Variants in PABPC4 observed in about 807,000 individuals in gnomAD.
PABPC4 encodes polyadenylate-binding protein 4.
Under a neutral mutation model 74.5 loss-of-function variants are expected in PABPC4, and 15 were observed. That is an observed-to-expected ratio of 0.20 (90% CI 0.13 to 0.31). The LOEUF (loss-of-function observed/expected upper bound fraction) is 0.31. Ranked by LOEUF, PABPC4 falls within the 10% of genes least tolerant of loss-of-function variation. PABPC4 has a pLI of 1.00. For synonymous variants in PABPC4, 345 were observed against 303.0 expected (o/e 1.14, Z -1.44); for missense variants, 610 against 853.5 (o/e 0.71, Z 3.55).
chr1:39,564,026 A>C, intron 10 of PABPC4, 104 bp from the exon 11 acceptor site: 1 of 943,076 alleles, frequency 1.1e-6, no homozygotes, highest in Non-Finnish European at 1.7e-6. Flanking sequence ...AACACATTGC[A>C]CAGGGGGCCA....
In PABPC4 at chr1:39,567,201, C is replaced by T. The variant is rs530696715; in HGVS notation, c.972+550G>A. Among the ~76,000 whole-genome samples the T allele has an allele frequency of 2.5e-4, 38 of 152,270 alleles. No individual in the cohort carries two copies. The South Asian group carries it at 7.5e-3, about 30-fold the overall frequency. The stretch of plus-strand genomic sequence containing the variant: ...AATTCCTTATCTTTAAAATGAGGTT[C>T]CTACTTACCCTGCTAACTTAGTTGA... On this transcript the variant is annotated intron_variant, in intron 7 of 15. Transcript: ENST00000372858.
At chr1:39,564,375 C>G in intron 10 of PABPC4, 48 bp downstream of exon 10, 1 of 1,601,786 alleles carries the variant, frequency 6.2e-7, no homozygotes, top group Non-Finnish European at 8.5e-7. Flanking sequence ...CCTAGTCATC[C>G]TGACTCCCTC....
intron 1 of PABPC4, among the ~76,000 whole-genome samples, chr1:39,575,103 T>A (rs1413192669): frequency 6.6e-6 from 1 of 152,194 alleles, no homozygotes; most frequent in African/African-American, 2.4e-5. Flanking sequence ...TCCACGACAC[T>A]CTACAGCACA....
At chr1:39,565,499 T>C in intron 7 of PABPC4, 121 bp from the exon 8 acceptor site, 1 of 981,870 alleles carries the variant, frequency 1.0e-6, no homozygotes, top group Non-Finnish European at 1.5e-6. Flanking sequence ...CTCAGGAGGT[T>C]GAGACCAGCT....
intron 6 of PABPC4, 81 bp downstream of exon 6, chr1:39,568,721 A>T (rs1645890793): frequency 7.2e-7 from 1 of 1,387,908 alleles, no homozygotes; most frequent in Admixed American, 2.1e-5. Context: ...GTCCTCAAAA[A>T]GAAAGCCCGC....
At position 39,572,525 on chromosome 1, in the gene PABPC4, C is replaced by T; in HGVS notation, c.255G>A (p.Met85Ile). ...DVIKGKPIRI[M>I]WSQRDPSLRK... ...TCAAAGAGGGATCCCTCTGAGACCACATGATGCGGATTGGCTTTCCCTTAA... is the reference window on the plus strand; with the variant it reads ...TCAAAGAGGGATCCCTCTGAGACCATATGATGCGGATTGGCTTTCCCTTAA... The change falls in exon 2 of 16, where the codon ATG becomes ATA. Residue 85 changes from methionine (M) to isoleucine (I), a missense_variant. Physicochemically the swap from Met to Ile is conservative, Grantham distance 10 (BLOSUM62 1). Transcript: ENST00000372858. 1.2e-6 allele frequency: 2 copies of T among 1,614,140 alleles called. No homozygotes were observed. The highest frequency in any genetic ancestry group is 1.7e-6 in the Non-Finnish European group (2 of 1,179,974).
chr1:39,567,543 T>C, intron 7 of PABPC4: 1 of 666,546 alleles, frequency 1.5e-6, no homozygotes. Context: ...GTCAAATTCC[T>C]CTCCAGACTC....
Position 39,576,112 on chromosome 1 carries a change from G to A in PABPC4, c.-161C>T. ...AGTCGGCGGGCTTGGAGACGGGACG[G>A]AAACGGGAGGCGGGGGCCGGCTCCC... On this transcript the variant is annotated 5_prime_UTR_variant, in exon 1 of 16. Coordinates refer to ENST00000372858, the MANE Select transcript of PABPC4 (RefSeq NM_001135653.2). 1.9e-6 allele frequency: 1 copy of A among 526,392 alleles called. No individual in the cohort carries two copies. Among genetic ancestry groups the A allele is most frequent in the Non-Finnish European group, 3.3e-6 (1 of 302,262 alleles). 32.6% of individuals were successfully genotyped at this position (526,392 alleles called of 1,614,324 possible). A position where few individuals can be genotyped will look rare whatever the true frequency, so the allele number is the denominator to read the frequency against.
chr1:39,569,654 T>C lies in PABPC4; in HGVS notation c.679A>G (p.Asn227Asp), dbSNP rs1256305920. The part of the protein sequence containing the change: ...TLSVKVMRDP[N>D]GKSKGFGFVS... ...AAGCCAAAGCCTTTGGATTTCCCAT[T>C]GGGATCTCTCATCACCTTGACACTT... Residue 227 changes from asparagine to aspartate, a missense_variant, in exon 5 of 16, where the codon AAT becomes GAT. Physicochemically the swap from Asn to Asp is conservative, Grantham distance 23. Around this residue, in one of 4 missense-constraint regions of PABPC4, gnomAD observed 304 missense variants for 478.9 expected, o/e 0.63. Coordinates refer to ENST00000372858, the MANE Select transcript of PABPC4 (RefSeq NM_001135653.2). 6.2e-7 allele frequency: 1 copy of C among 1,614,180 alleles called. No individual in the cohort carries two copies. The highest frequency in any genetic ancestry group is 2.2e-5 in the East Asian group (1 of 44,890).
At chr1:39,569,391 G>A (rs1252595824) in intron 5 of PABPC4, 16 of 587,980 alleles carry the variant, frequency 2.7e-5, no homozygotes, top group East Asian at 2.5e-4. Context: ...GATAGCTGAG[G>A]TGACAGGTAT....
chr1:39,566,523 C>A (rs1570380547), intron 7 of PABPC4, among the ~76,000 whole-genome samples: 1 of 152,200 alleles, frequency 6.6e-6, no homozygotes, highest in African/African-American at 2.4e-5. Flanking sequence ...GGCATTCTTC[C>A]TAATAGACAA....
chr1:39,567,384 G>C (rs1186151986), intron 7 of PABPC4: 5 of 523,392 alleles, frequency 9.6e-6, no homozygotes, highest in Non-Finnish European at 1.9e-5. Flanking sequence ...AAATGTGGCA[G>C]AGCTGTAGAG....
intron 6 of PABPC4, 187 bp downstream of exon 6, chr1:39,568,613 CTT>C (rs758115148): frequency 2.0e-5 from 10 of 499,542 alleles, no homozygotes; most frequent in South Asian, 4.2e-5. Context: ...AAACCCATCT[CTT>C]GTTTCTGGTT....
Position 39,563,708 on chromosome 1 carries a change from C to A in PABPC4, c.1574G>T (p.Arg525Leu). 1 of 1,614,204 alleles carries A rather than the reference C, an allele frequency of 6.2e-7. No homozygotes were observed. Among genetic ancestry groups the A allele is most frequent in the Non-Finnish European group, 8.5e-7 (1 of 1,180,032 alleles). The change falls in exon 12 of 16, where the codon CGC becomes CTC. Residue 525 changes from arginine to leucine, a missense_variant. Physicochemically the swap from Arg to Leu is moderately radical, Grantham distance 102. This residue lies in a region of PABPC4 where 277 missense variants were observed against 301.8 expected (regional missense o/e 0.92). Coordinates refer to ENST00000372858, the MANE Select transcript of PABPC4 (RefSeq NM_001135653.2). ...VPTAVQNLAP[R>L]AAVAAAAPRA... is the part of the protein sequence containing the mutation. ...GGGAGCAGCAGCAGCAACAGCAGCG[C>A]GTGGCGCTAAGTTCTGCACAGCTGT...
At chr1:39,563,424 G>A (rs1037191347) in intron 12 of PABPC4, 190 bp downstream of exon 12, 5 of 663,118 alleles carry the variant, frequency 7.5e-6, no homozygotes, top group Non-Finnish European at 1.2e-5. Flanking sequence ...ACTGGCATCA[G>A]GCAGAGCACT....
At chr1:39,575,368 A>G (rs986002500) in intron 1 of PABPC4, among the ~76,000 whole-genome samples, 2 of 152,160 alleles carry the variant, frequency 1.3e-5, no homozygotes, top group African/African-American at 2.4e-5. Flanking sequence ...TTCGCGGGGA[A>G]TTGTGTTTCA....
Position 39,567,866 on chromosome 1 carries a change from G to GTTAA in PABPC4, c.877-24_877-21dup. On this transcript the variant is annotated intron_variant, in intron 6 of 15. Transcript: ENST00000372858. ...CACCCCCTGAAGGAAAAAGATCACT[G>GTTAA]TTAACTACACTTCTATATCACAAAT... The GTTAA allele has an allele frequency of 7.4e-7, 1 of 1,343,066 alleles. No homozygotes were observed. The allele number at this position is 1,343,066 out of a possible 1,614,324, so 83.2% of individuals were successfully genotyped here.
Position 39,562,306 on chromosome 1 carries a change from G to T in PABPC4, c.1762+17C>A. ...GCTCTGGGACCCTCTTCTTCTGCAA[G>T]CAAGTGGGTCACTCACCCAGCATCT... On this transcript the variant is annotated intron_variant, in intron 13 of 15. Coordinates refer to ENST00000372858, the MANE Select transcript of PABPC4 (RefSeq NM_001135653.2). 2 of 1,612,012 alleles carry T rather than the reference G, an allele frequency of 1.2e-6. No homozygotes were observed. Among genetic ancestry groups the T allele is most frequent in the East Asian group, 2.2e-5 (1 of 44,872 alleles).
chr1:39,569,809 A>AAAAAACAG, intron 4 of PABPC4, 54 bp downstream of exon 4: 1 of 1,602,084 alleles, frequency 6.2e-7, no homozygotes, highest in African/African-American at 1.3e-5. Context: ...ATCTCTTAAG[A>AAAAAACAG]AAAAACAGAT....
Sources: gnomAD v4.1 joint callset for allele counts (sites outside exome capture counted in the v4.1 genomes callset) on GRCh38, gnomAD v4.1.1 for gene constraint, gnomAD v4.1.1 regional missense constraint, MANE v1.5 for transcripts, NCBI Gene and HGNC (gene_info 2026-07-23, HGNC 2026-07-21) for gene names.